MDGA2: variants seen among roughly 807,000 people sequenced by gnomAD.
MDGA2 encodes MAM domain containing glycosylphosphatidylinositol anchor 2, also known as MAM domain-containing glycosylphosphatidylinositol anchor protein 2.
In MDGA2, 40 loss-of-function variants were observed where a neutral mutation model predicts 117.8. That is an observed-to-expected ratio of 0.34 (90% CI 0.26 to 0.44). The LOEUF (loss-of-function observed/expected upper bound fraction) is 0.44, where lower values mean the gene tolerates loss of function less well. Among genes scored for constraint, MDGA2 ranks in the 20% least tolerant of loss-of-function variants. The probability of loss-of-function intolerance (pLI) is 1.00; values close to 1 mark genes in which losing one functional copy is unlikely to be tolerated. For synonymous variants in MDGA2, 452 were observed against 439.0 expected (o/e 1.03, Z -0.37); for missense variants, 1,123 against 1,250.6 (o/e 0.90, Z 1.54).
chr14:47,087,460 CAAAAAAAA>C (rs749371957), intron 6 of MDGA2, among the ~76,000 whole-genome samples: 26 of 67,970 alleles, frequency 3.8e-4, no homozygotes, highest in African/African-American at 9.8e-4. Flanking sequence ...GACTCCACAT[CAAAAAAAA>C]AAAAAAAAAA....
intron 1 of MDGA2, among the ~76,000 whole-genome samples, chr14:47,440,841 G>A (rs1324579912): frequency 2.6e-5 from 4 of 152,092 alleles, no homozygotes; most frequent in South Asian, 4.2e-4. Flanking sequence ...GTATCATTAC[G>A]TAAAAAAAAT....
intron 3 of MDGA2, among the ~76,000 whole-genome samples, chr14:47,185,075 C>T (rs969933591): frequency 1.3e-5 from 2 of 150,664 alleles, no homozygotes; most frequent in Non-Finnish European, 3.0e-5. Flanking sequence ...ATTTGCTTTT[C>T]AAAATGTCTA....
chr14:47,573,965 T>G (rs1896067671), intron 1 of MDGA2, among the ~76,000 whole-genome samples: 1 of 152,212 alleles, frequency 6.6e-6, no homozygotes, highest in African/African-American at 2.4e-5. Flanking sequence ...CAAAAGTGCT[T>G]TGAATCAAAA....
intron 1 of MDGA2, among the ~76,000 whole-genome samples, chr14:47,462,853 G>A (rs1240332637): frequency 4.6e-5 from 7 of 152,188 alleles, no homozygotes. Context: ...TCATATGGAA[G>A]TGATTGAACA....
chr14:46,843,883 G>A (rs1330942458), intron 16 of MDGA2, among the ~76,000 whole-genome samples: 1 of 152,070 alleles, frequency 6.6e-6, no homozygotes, highest in African/African-American at 2.4e-5. Context: ...AATTTAGTTT[G>A]ATTACTTTCT....
intron 1 of MDGA2, among the ~76,000 whole-genome samples, chr14:47,599,394 A>G (rs1161135924): frequency 6.6e-6 from 1 of 152,132 alleles, no homozygotes; most frequent in Admixed American, 6.6e-5. Context: ...CAAAAGGAAA[A>G]GGCAATATAT....
At position 47,035,310 on chromosome 14, in the gene MDGA2, A is replaced by T. The variant is rs764170677; in HGVS notation, c.1526-6T>A. 5 of 1,601,988 alleles carry T rather than the reference A, an allele frequency of 3.1e-6. No homozygotes were observed. ...AACAGTCAGATTGGGTGGAACTTGAAATGGGAAAAAGAAAATTTTTCAAGG... is the reference window on the plus strand; with the variant it reads ...AACAGTCAGATTGGGTGGAACTTGATATGGGAAAAAGAAAATTTTTCAAGG... On this transcript the variant is annotated splice_polypyrimidine_tract_variant and splice_region_variant and intron_variant, in intron 7 of 16. Coordinates refer to ENST00000399232, the MANE Select transcript of MDGA2 (RefSeq NM_001113498.3).
chr14:47,035,668 G>C (rs1278223780), intron 7 of MDGA2, among the ~76,000 whole-genome samples: 1 of 151,992 alleles, frequency 6.6e-6, no homozygotes, highest in East Asian at 1.9e-4. Flanking sequence ...GTCACAATAA[G>C]TGCAAGTAGT....
chr14:47,615,598 G>A (rs1216653255), intron 1 of MDGA2, among the ~76,000 whole-genome samples: 1 of 152,176 alleles, frequency 6.6e-6, no homozygotes, highest in African/African-American at 2.4e-5. Context: ...AGGGACTGCA[G>A]TTGAATTAGG....
intron 1 of MDGA2, among the ~76,000 whole-genome samples, chr14:47,460,724 C>A (rs1270749004): frequency 6.6e-6 from 1 of 151,790 alleles, no homozygotes; most frequent in African/African-American, 2.4e-5. Context: ...AAAACAGAAC[C>A]CAGGGGGCCC....
intron 1 of MDGA2, among the ~76,000 whole-genome samples, chr14:47,483,079 T>G (rs1465724988): frequency 6.6e-6 from 1 of 152,084 alleles, no homozygotes; most frequent in Non-Finnish European, 1.5e-5. Context: ...AAAAAATAAG[T>G]AATCTTTTTT....
chr14:47,468,981 A>C (rs1236466883), intron 1 of MDGA2, among the ~76,000 whole-genome samples: 1 of 152,124 alleles, frequency 6.6e-6, no homozygotes, highest in African/African-American at 2.4e-5. Flanking sequence ...TCTAGAAATA[A>C]GTATGATTCT....
At chr14:47,186,121 A>T (rs1884901339) in intron 3 of MDGA2, among the ~76,000 whole-genome samples, 1 of 151,680 alleles carries the variant, frequency 6.6e-6, no homozygotes, top group Admixed American at 6.6e-5. Context: ...AAATAAATTC[A>T]AAACTATTAA....
At chr14:47,455,882 A>C (rs1893340475) in intron 1 of MDGA2, among the ~76,000 whole-genome samples, 1 of 152,046 alleles carries the variant, frequency 6.6e-6, no homozygotes, top group African/African-American at 2.4e-5. Flanking sequence ...CTGTAATCCC[A>C]GTTACTCGGG....
chr14:47,043,350 T>G (rs1321473535), intron 7 of MDGA2, among the ~76,000 whole-genome samples: 2 of 152,106 alleles, frequency 1.3e-5, no homozygotes, highest in Non-Finnish European at 2.9e-5. Flanking sequence ...CAATTCTTAG[T>G]ATATAAAAAT....
intron 1 of MDGA2, among the ~76,000 whole-genome samples, chr14:47,418,460 C>T (rs780025722): frequency 6.6e-6 from 1 of 152,110 alleles, no homozygotes; most frequent in Non-Finnish European, 1.5e-5. Flanking sequence ...TGTGGTAGTA[C>T]CCACTTTCTG....
In MDGA2 at chr14:47,164,029, G is replaced by A. The variant is rs572814467; in HGVS notation, c.596-19755C>T. ...GTTTTCCAAATTTCATTCTATGATC[G>A]TAAAGCAATTCTATAAAGTTCACTT... On this transcript the variant is annotated intron_variant, in intron 3 of 16. Transcript: ENST00000399232. Among the ~76,000 whole-genome samples the A allele has an allele frequency of 8.3e-4, 127 of 152,260 alleles. 2 individuals are homozygous for A. The South Asian group carries it at 0.02, about 24-fold the overall frequency.
chr14:47,479,922 A>G (rs964665621), intron 1 of MDGA2, among the ~76,000 whole-genome samples: 1 of 152,002 alleles, frequency 6.6e-6, no homozygotes, highest in African/African-American at 2.4e-5. Flanking sequence ...TGTCTGTTCC[A>G]TTTCTACTTT....
intron 1 of MDGA2, among the ~76,000 whole-genome samples, chr14:47,471,411 T>C (rs1300263197): frequency 3.3e-5 from 5 of 152,264 alleles, no homozygotes; most frequent in Middle Eastern, 3.4e-3. Context: ...ACACATGTTT[T>C]AAAATCAAGT....
Sources: allele counts gnomAD v4.1 joint callset (sites outside exome capture counted in the v4.1 genomes callset), GRCh38; gene constraint gnomAD v4.1.1; transcripts MANE v1.5; gene names NCBI Gene and HGNC (gene_info 2026-07-23, HGNC 2026-07-21).